The following ASTN2 variants were observed in gnomAD, a reference collection of about 807,000 sequenced individuals.
ASTN2 encodes the protein astrotactin 2.
ASTN2 carries 54 observed loss-of-function variants against 139.8 expected under a neutral mutation model. The ratio of observed to expected loss-of-function variants is 0.39; its 90% CI spans 0.31 to 0.48. The LOEUF (loss-of-function observed/expected upper bound fraction) is 0.48. ASTN2 is among the 20% of genes least tolerant of loss of function. ASTN2 has a pLI of 0.95. For missense variants in ASTN2, 1,565 were observed against 1,725.1 expected (o/e 0.91, Z 1.64); for synonymous variants, 756 against 719.5 (o/e 1.05, Z -0.81).
rs1830542009 is a variant in ASTN2, at chr9:117,391,582, G to A, written c.442+22915C>T. On this transcript the variant is annotated intron_variant, in intron 1 of 22. Transcript: ENST00000313400. Reference sequence around the variant, plus strand: ...TCCCTCACAACACGTGGGAATTATGGGAGCTACAAGATGAGATTTGGGTGG... The same window carrying A: ...TCCCTCACAACACGTGGGAATTATGAGAGCTACAAGATGAGATTTGGGTGG... Among the ~76,000 whole-genome samples the A allele has an allele frequency of 2.0e-5, 3 of 152,198 alleles. No homozygotes were observed. In the South Asian group the frequency reaches 6.2e-4, roughly 32 times the overall value.
chr9:117,187,365 AGAT>A (rs1174363352), intron 3 of ASTN2, among the ~76,000 whole-genome samples: 3 of 152,048 alleles, frequency 2.0e-5, no homozygotes, highest in East Asian at 1.9e-4. Flanking sequence ...AGATTGATGA[AGAT>A]GATGATGATG....
At chr9:116,519,369 C>T (rs146514756) in intron 19 of ASTN2, among the ~76,000 whole-genome samples, 36 of 151,778 alleles carry the variant, frequency 2.4e-4, no homozygotes, top group African/African-American at 8.5e-4. Flanking sequence ...CAAAACCATG[C>T]AAATACATGG....
intron 13 of ASTN2, among the ~76,000 whole-genome samples, chr9:116,780,776 G>A (rs557368982): frequency 6.6e-6 from 1 of 151,910 alleles, no homozygotes; most frequent in South Asian, 2.1e-4. Context: ...TTAGAATAGG[G>A]CCTGTCATAG....
chr9:116,573,272 A>G (rs1361956130), intron 19 of ASTN2, among the ~76,000 whole-genome samples: 1 of 152,228 alleles, frequency 6.6e-6, no homozygotes, highest in Non-Finnish European at 1.5e-5. Flanking sequence ...CAGGTGAACC[A>G]AAAGACCACT....
chr9:117,016,615 T>TGTTA (rs1564385722), intron 6 of ASTN2, among the ~76,000 whole-genome samples: 16 of 3,990 alleles, frequency 4.0e-3, no homozygotes, highest in African/African-American at 8.7e-3. Context: ...TATATCTATA[T>TGTTA]CTATCTATCT....
chr9:117,291,482 C>A lies in ASTN2; in HGVS notation c.474G>T (p.Leu158=). 1.2e-6 allele frequency: 2 copies of A among 1,612,422 alleles called. No homozygotes were observed. Among genetic ancestry groups the A allele is most frequent in the Non-Finnish European group, 1.7e-6 (2 of 1,179,130 alleles). Residue 158 remains leucine, a synonymous_variant, in exon 2 of 23, where the codon CTG becomes CTT. Coordinates refer to ENST00000313400, the MANE Select transcript of ASTN2 (RefSeq NM_001365068.1). Reference sequence around the variant, plus strand: ...CCAGCCACTGCTGTCTCCAGTGCACCAGCGAGATGTCCGCTGCTGTGCCAG... The same window carrying A: ...CCAGCCACTGCTGTCTCCAGTGCACAAGCGAGATGTCCGCTGCTGTGCCAG... ...EMSGTAADIS[L]VHWRQQWLEN...
chr9:117,029,877 T>A (rs78151380), intron 6 of ASTN2, among the ~76,000 whole-genome samples: 5,516 of 152,212 alleles, frequency 0.036, 198 homozygotes, highest in South Asian at 0.16. Context: ...AGGTTTTCTT[T>A]ATACATATTA....
chr9:116,790,112 G>A (rs532141308), intron 13 of ASTN2, among the ~76,000 whole-genome samples: 27 of 151,992 alleles, frequency 1.8e-4, no homozygotes, highest in Admixed American at 5.9e-4. Flanking sequence ...TTTTAGTAAA[G>A]ACTGGGTTTC....
chr9:117,024,502 G>A (rs888604620), intron 6 of ASTN2, among the ~76,000 whole-genome samples: 1 of 151,992 alleles, frequency 6.6e-6, no homozygotes, highest in African/African-American at 2.4e-5. Flanking sequence ...GTGACAAAAG[G>A]GGGTGGTTAT....
intron 5 of ASTN2, among the ~76,000 whole-genome samples, chr9:117,046,788 T>C: frequency 6.6e-6 from 1 of 152,242 alleles, no homozygotes; most frequent in East Asian, 1.9e-4. Context: ...TTCCAGTGCC[T>C]ATAGCATGCC....
At chr9:116,558,922 C>T (rs1229022068) in intron 19 of ASTN2, among the ~76,000 whole-genome samples, 1 of 152,184 alleles carries the variant, frequency 6.6e-6, no homozygotes. Context: ...TGCTCATTCT[C>T]GTTCATTTAA....
At chr9:116,901,356 A>G (rs1834006756) in intron 10 of ASTN2, among the ~76,000 whole-genome samples, 1 of 152,128 alleles carries the variant, frequency 6.6e-6, no homozygotes, top group South Asian at 2.1e-4. Context: ...TACAGAAAAA[A>G]AATAATTTAT....
chr9:116,987,243 G>A (rs1836714228), intron 7 of ASTN2, among the ~76,000 whole-genome samples: 2 of 152,214 alleles, frequency 1.3e-5, no homozygotes, highest in African/African-American at 4.8e-5. Context: ...CCCCCTTGCT[G>A]TTCTCATGAT....
chr9:117,174,294 G>C (rs1830866428), intron 3 of ASTN2, among the ~76,000 whole-genome samples: 1 of 151,788 alleles, frequency 6.6e-6, no homozygotes. Context: ...AAGACAATAT[G>C]TCTATAAATG....
intron 10 of ASTN2, among the ~76,000 whole-genome samples, chr9:116,947,865 C>T (rs996534196): frequency 1.3e-5 from 2 of 152,202 alleles, no homozygotes; most frequent in Admixed American, 1.3e-4. Flanking sequence ...GCTGAATGTC[C>T]TAATAATGTC....
intron 19 of ASTN2, among the ~76,000 whole-genome samples, chr9:116,578,087 A>G (rs903909496): frequency 9.9e-5 from 15 of 152,186 alleles, no homozygotes; most frequent in Non-Finnish European, 1.6e-4. Context: ...ACAGAGTGGA[A>G]AGTGAACCAG....
At chr9:117,166,971 A>T (rs937525334) in intron 3 of ASTN2, among the ~76,000 whole-genome samples, 1 of 152,136 alleles carries the variant, frequency 6.6e-6, no homozygotes, top group Non-Finnish European at 1.5e-5. Flanking sequence ...AAATAAAAGG[A>T]CATATAAAAG....
At chr9:117,147,754 G>A (rs910345618) in intron 3 of ASTN2, among the ~76,000 whole-genome samples, 4 of 152,152 alleles carry the variant, frequency 2.6e-5, no homozygotes, top group African/African-American at 9.7e-5. Flanking sequence ...ACTCAGAAAT[G>A]TTACATGGTT....
chr9:117,279,759 C>T (rs1053978309), intron 2 of ASTN2, among the ~76,000 whole-genome samples: 23 of 152,252 alleles, frequency 1.5e-4, no homozygotes, highest in Middle Eastern at 3.4e-3. Context: ...GGACATTAAC[C>T]ATGATTCAAC....
Sources: allele counts gnomAD v4.1 joint callset (sites outside exome capture counted in the v4.1 genomes callset), GRCh38; gene constraint gnomAD v4.1.1; transcripts MANE v1.5; gene names NCBI Gene and HGNC (gene_info 2026-07-23, HGNC 2026-07-21).